NPEPPS: variants seen among roughly 807,000 people sequenced by gnomAD.
The protein encoded by NPEPPS is aminopeptidase puromycin sensitive, also known as puromycin-sensitive aminopeptidase.
In NPEPPS, 14 loss-of-function variants were observed where a neutral mutation model predicts 115.5. The ratio of observed to expected loss-of-function variants is 0.12; its 90% CI spans 0.08 to 0.19. The LOEUF (loss-of-function observed/expected upper bound fraction) is 0.19, where lower values mean the gene tolerates loss of function less well. Ranked by LOEUF, NPEPPS falls within the 10% of genes least tolerant of loss-of-function variation. NPEPPS has a pLI of 1.00. For missense variants in NPEPPS, 523 were observed against 1,110.8 expected, an observed-to-expected ratio of 0.47 and a Z score of 7.52; for synonymous variants, 285 against 390.6, an observed-to-expected ratio of 0.73 and a Z score of 3.19.
chr17:47,556,555 C>T (rs1383501801), intron 2 of NPEPPS, among the ~76,000 whole-genome samples: 2 of 152,192 alleles, frequency 1.3e-5, no homozygotes, highest in African/African-American at 2.4e-5. Flanking sequence ...TTCGACAAAA[C>T]CGCCATCGTC....
rs1324218619 is a variant in NPEPPS at position 47,563,325 on chromosome 17, C to T, written c.341-6092C>T. Among the ~76,000 whole-genome samples, 3 of 152,044 alleles carry T rather than the reference C, an allele frequency of 2.0e-5. No individual in the cohort carries two copies. The East Asian group carries it at 5.8e-4, about 29-fold the overall frequency. On this transcript the variant is annotated intron_variant, in intron 2 of 22. Coordinates refer to ENST00000322157, the MANE Select transcript of NPEPPS (RefSeq NM_006310.4). ...GGGATTACAGGCGTGAGCCACCATG[C>T]CCAGCCTGGTCATGGTTTTATACAT...
chr17:47,574,923 A>G (rs979349863), intron 3 of NPEPPS, among the ~76,000 whole-genome samples: 3 of 152,114 alleles, frequency 2.0e-5, no homozygotes, highest in African/African-American at 4.8e-5. Flanking sequence ...TGTTACTTCT[A>G]TTTTGTAGAT....
intron 1 of NPEPPS, among the ~76,000 whole-genome samples, chr17:47,542,083 C>A (rs1019245298): frequency 6.6e-6 from 1 of 152,156 alleles, no homozygotes; most frequent in African/African-American, 2.4e-5. Context: ...TCGTACTACT[C>A]TGATGTTCTT....
intron 17 of NPEPPS, among the ~76,000 whole-genome samples, chr17:47,608,948 G>A (rs932781054): frequency 2.0e-5 from 3 of 152,090 alleles, no homozygotes; most frequent in Non-Finnish European, 4.4e-5. Context: ...TCCACTTTTG[G>A]AGCAGGTTCT....
At chr17:47,583,852 T>TCTCTCGAAC (rs1334616984) in intron 5 of NPEPPS, among the ~76,000 whole-genome samples, 2 of 150,576 alleles carry the variant, frequency 1.3e-5, no homozygotes, top group African/African-American at 2.4e-5. Flanking sequence ...AACTTAGGAG[T>TCTCTCGAAC]TTGAGGCTAC....
At chr17:47,586,325 T>G in intron 7 of NPEPPS, 40 bp from the exon 8 acceptor site, 1 of 1,257,292 alleles carries the variant, frequency 8.0e-7, no homozygotes, top group Non-Finnish European at 1.1e-6. Context: ...TATATATATA[T>G]ATATATATAT....
At chr17:47,570,601 A>G (rs1911135251) in intron 3 of NPEPPS, among the ~76,000 whole-genome samples, 2 of 152,278 alleles carry the variant, frequency 1.3e-5, no homozygotes, top group South Asian at 2.1e-4. Context: ...ATAAAAGCAC[A>G]AAGAAATAGA....
chr17:47,538,758 G>A (rs868091436), intron 1 of NPEPPS, among the ~76,000 whole-genome samples: 4 of 150,842 alleles, frequency 2.7e-5, no homozygotes, highest in Middle Eastern at 7.0e-3. Context: ...TCGAACTCCT[G>A]ACCTTGTGAT....
At chr17:47,594,207 T>C (rs1223144190) in intron 12 of NPEPPS, among the ~76,000 whole-genome samples, 1 of 151,994 alleles carries the variant, frequency 6.6e-6, no homozygotes, top group Non-Finnish European at 1.5e-5. Flanking sequence ...CTTATAGAGG[T>C]TGTTCTAGTT....
At chr17:47,619,941 T>C (rs1914440272) in intron 22 of NPEPPS, 157 bp downstream of exon 22, 2 of 605,802 alleles carry the variant, frequency 3.3e-6, no homozygotes, top group Non-Finnish European at 5.8e-6. Context: ...ATTAAGAATT[T>C]CCTAAAAATG....
At position 47,585,481 on chromosome 17, in the gene NPEPPS, T is replaced by A; in HGVS notation, c.649-19T>A. 6.7e-7 allele frequency: 1 copy of A among 1,496,012 alleles called. No individual in the cohort carries two copies. Among genetic ancestry groups the A allele is most frequent in the South Asian group, 1.3e-5 (1 of 79,756 alleles). The allele number at this position is 1,496,012 out of a possible 1,614,324, so 92.7% of individuals were successfully genotyped here. ...TAATGTAAACCTATTTAAATTTTTC[T>A]TTTTTTTATTTCTTAAAGAATGTAA... On this transcript the variant is annotated intron_variant, in intron 5 of 22. Transcript: ENST00000322157.
chr17:47,577,239 C>CATGA (rs1484192886), intron 3 of NPEPPS: 8 of 482,514 alleles, frequency 1.7e-5, no homozygotes, highest in African/African-American at 1.6e-4. Flanking sequence ...GTAGATTTAC[C>CATGA]ATGAAATATG....
intron 2 of NPEPPS, among the ~76,000 whole-genome samples, chr17:47,550,874 A>G (rs1269366772): frequency 6.6e-6 from 1 of 151,946 alleles, no homozygotes; most frequent in African/African-American, 2.4e-5. Context: ...TGATCCACCT[A>G]CCTCGGCCTC....
rs192484397 is a variant in NPEPPS at position 47,620,855 on chromosome 17, C to T, written c.2608-913C>T. The stretch of plus-strand genomic sequence containing the variant: ...TAGAAAAGTTTATTCAACTTTTAAT[C>T]ATTAAGCATTGTGATAAATTGTAAA... On this transcript the variant is annotated intron_variant, in intron 22 of 22. Transcript: ENST00000322157. Among the ~76,000 whole-genome samples the T allele has an allele frequency of 6.0e-3, 906 of 152,170 alleles. 6 individuals are homozygous for T. The highest frequency in any genetic ancestry group is 0.011 in the Non-Finnish European group (722 of 68,002).
intron 1 of NPEPPS, among the ~76,000 whole-genome samples, chr17:47,534,404 A>G (rs1486341896): frequency 1.3e-5 from 2 of 152,086 alleles, no homozygotes; most frequent in Admixed American, 6.6e-5. Context: ...GTAGAAACCT[A>G]TATTTATGAC....
intron 1 of NPEPPS, among the ~76,000 whole-genome samples, chr17:47,538,684 C>G (rs900341566): frequency 2.6e-5 from 4 of 151,930 alleles, no homozygotes; most frequent in African/African-American, 9.7e-5. Flanking sequence ...CACCTGCCAT[C>G]ATGCCAGGCT....
At chr17:47,602,637 C>CAAAA (rs753076891) in intron 15 of NPEPPS, among the ~76,000 whole-genome samples, 1 of 51,952 alleles carries the variant, frequency 1.9e-5, no homozygotes, top group Non-Finnish European at 4.0e-5. Flanking sequence ...GACGCCATCT[C>CAAAA]AAAAAAAAAA....
intron 19 of NPEPPS, among the ~76,000 whole-genome samples, chr17:47,615,178 C>T (rs766749459): frequency 9.4e-5 from 14 of 149,292 alleles, no homozygotes; most frequent in Admixed American, 2.0e-4. Flanking sequence ...CCCGGGTTCA[C>T]GTGATTCTCC....
chr17:47,591,384 A>G (rs913216311), intron 10 of NPEPPS, among the ~76,000 whole-genome samples: 3 of 152,226 alleles, frequency 2.0e-5, no homozygotes, highest in African/African-American at 7.2e-5. Flanking sequence ...AAAAAAAGAA[A>G]AAGAATAGTA....
Sources: allele counts gnomAD v4.1 joint callset (sites outside exome capture counted in the v4.1 genomes callset), GRCh38; gene constraint gnomAD v4.1.1; transcripts MANE v1.5; gene names NCBI Gene and HGNC (gene_info 2026-07-23, HGNC 2026-07-21).